Variants in PLEKHA5 observed in about 807,000 individuals in gnomAD.
PLEKHA5 encodes pleckstrin homology domain-containing family A member 5.
A neutral mutation model predicts 181.9 loss-of-function variants in PLEKHA5; 55 were observed. The ratio of observed to expected loss-of-function variants is 0.30; its 90% CI spans 0.24 to 0.38. The LOEUF (loss-of-function observed/expected upper bound fraction) is 0.38, where lower values mean the gene tolerates loss of function less well. Ranked by LOEUF, PLEKHA5 falls within the 10% of genes least tolerant of loss-of-function variation. The pLI is 1.00. For missense variants in PLEKHA5, 1,432 were observed against 1,549.5 expected (o/e 0.92, Z 1.27); for synonymous variants, 535 against 529.4 (o/e 1.01, Z -0.15).
chr12:19,360,923 T>A (rs1464250508), intron 28 of PLEKHA5, among the ~76,000 whole-genome samples: 1 of 151,928 alleles, frequency 6.6e-6, no homozygotes, highest in Non-Finnish European at 1.5e-5. Context: ...GCCCAGCTAA[T>A]TTTTTGTGTT....
At chr12:19,356,509 G>A (rs2094935401) in intron 26 of PLEKHA5, among the ~76,000 whole-genome samples, 1 of 151,890 alleles carries the variant, frequency 6.6e-6, no homozygotes, top group South Asian at 2.1e-4. Context: ...GTGACAGCCT[G>A]TCTCAAAAAA....
At chr12:19,240,070 T>G (rs1012666670) in intron 3 of PLEKHA5, among the ~76,000 whole-genome samples, 2 of 152,234 alleles carry the variant, frequency 1.3e-5, no homozygotes, top group Non-Finnish European at 2.9e-5. Flanking sequence ...GACTTATGAG[T>G]CAGCTCCTTT....
At chr12:19,364,921 A>G (rs2095376931) in intron 29 of PLEKHA5, among the ~76,000 whole-genome samples, 1 of 151,994 alleles carries the variant, frequency 6.6e-6, no homozygotes. Context: ...TGGCCTCTCA[A>G]AGTGCTGTGA....
intron 22 of PLEKHA5, 68 bp downstream of exon 22, chr12:19,343,502 G>C: frequency 1.1e-6 from 1 of 882,574 alleles, no homozygotes; most frequent in East Asian, 2.6e-5. Flanking sequence ...CTTGGTGACA[G>C]ATTACATTCT....
chr12:19,266,054 C>T (rs781408096), intron 8 of PLEKHA5, among the ~76,000 whole-genome samples: 10 of 152,100 alleles, frequency 6.6e-5, no homozygotes, highest in Non-Finnish European at 1.5e-4. Context: ...CAAGTGTCTT[C>T]ATGTCTGTGC....
At chr12:19,308,167 AACTGGTGATTC>A (rs143691873) in intron 15 of PLEKHA5, among the ~76,000 whole-genome samples, 6,252 of 152,224 alleles carry the variant, frequency 0.041, 149 homozygotes, top group South Asian at 0.061. Context: ...TGGAAAAGGG[AACTGGTGATTC>A]ACTAGGAGAA....
At chr12:19,230,552 G>C (rs922024585) in intron 3 of PLEKHA5, among the ~76,000 whole-genome samples, 1 of 152,200 alleles carries the variant, frequency 6.6e-6, no homozygotes, top group Non-Finnish European at 1.5e-5. Context: ...GTGCGGGTAG[G>C]CTGGCAGTGC....
chr12:19,227,174 T>G (rs2059812021), intron 3 of PLEKHA5, among the ~76,000 whole-genome samples: 1 of 152,210 alleles, frequency 6.6e-6, no homozygotes, highest in African/African-American at 2.4e-5. Context: ...ATGTACTTTT[T>G]TGGGGGTCAC....
chr12:19,238,592 A>G (rs2061818626), intron 3 of PLEKHA5, among the ~76,000 whole-genome samples: 1 of 152,124 alleles, frequency 6.6e-6, no homozygotes, highest in African/African-American at 2.4e-5. Context: ...GAATCCGCTG[A>G]AAATGTTTTA....
chr12:19,372,642 T>C (rs1038509602), intron 31 of PLEKHA5: 1 of 152,186 alleles, frequency 6.6e-6, no homozygotes, highest in African/African-American at 2.4e-5. Context: ...AAGAGGCTTC[T>C]GTTTTTGTCA....
intron 27 of PLEKHA5, among the ~76,000 whole-genome samples, chr12:19,359,115 T>C (rs1051357585): frequency 5.9e-5 from 9 of 152,212 alleles, no homozygotes; most frequent in African/African-American, 1.9e-4. Flanking sequence ...TCCTAATGAA[T>C]ATCCCCTCTT....
intron 11 of PLEKHA5, among the ~76,000 whole-genome samples, chr12:19,282,052 G>C (rs929437770): frequency 1.3e-5 from 2 of 152,164 alleles, no homozygotes; most frequent in African/African-American, 4.8e-5. Flanking sequence ...AAAGTGCTGG[G>C]ATTACAGGCG....
At chr12:19,333,204 G>A (rs1486649420) in intron 20 of PLEKHA5, among the ~76,000 whole-genome samples, 1 of 152,038 alleles carries the variant, frequency 6.6e-6, no homozygotes, top group African/African-American at 2.4e-5. Flanking sequence ...CGAATCGCTT[G>A]AACCCAGGAG....
At position 19,324,110 on chromosome 12, in the gene PLEKHA5, C is replaced by T. The variant is rs142085990; in HGVS notation, c.2448+1443C>T. On this transcript the variant is annotated intron_variant, in intron 20 of 31. Transcript: ENST00000429027. ...TCTGTACCTTCAATGGGCTAGGGAGCAGCTATCTTTTAAGAAGGGCCACAG... is the reference window on the plus strand; with the variant it reads ...TCTGTACCTTCAATGGGCTAGGGAGTAGCTATCTTTTAAGAAGGGCCACAG... Among the ~76,000 whole-genome samples, 173 of 152,220 alleles carry T rather than the reference C, an allele frequency of 1.1e-3. 1 individual carries two copies. Among genetic ancestry groups the T allele is most frequent in the African/African-American group, 4.0e-3 (166 of 41,524 alleles).
intron 13 of PLEKHA5, chr12:19,288,077 CAAAAAAAAAAAA>C (rs9300127): frequency 1.1e-4 from 21 of 185,936 alleles, no homozygotes; most frequent in Admixed American, 2.6e-4. Flanking sequence ...GACTCTGTCT[CAAAAAAAAAAAA>C]AAAAAAAAGA....
rs186091892 is a variant in PLEKHA5, at chr12:19,136,472, G to A, written c.227+4022G>A. Among the ~76,000 whole-genome samples the A allele has an allele frequency of 5.1e-3, 778 of 152,276 alleles. 4 individuals carry two copies. The highest frequency in any genetic ancestry group is 9.6e-3 in the Admixed American group (147 of 15,296). On this transcript the variant is annotated intron_variant, in intron 3 of 31. Coordinates refer to ENST00000429027, the MANE Select transcript of PLEKHA5 (RefSeq NM_001256470.2). Reference sequence around the variant, plus strand: ...CAAATAACTTAGCCCATAAAGCACAGAAGAAAATCTTATACGTTTGAGTTA... The same window carrying A: ...CAAATAACTTAGCCCATAAAGCACAAAAGAAAATCTTATACGTTTGAGTTA...
In PLEKHA5 at chr12:19,274,544, C is replaced by G. The variant is rs1261108309; in HGVS notation, c.874C>G (p.Pro292Ala). ...RVDKITSENA[P>A]TKETNNIPNH... Reference sequence around the variant, plus strand: ...GGACAAGATTACATCTGAAAATGCACCAACTAAAGAAACCAATAACATTCC... The same window carrying G: ...GGACAAGATTACATCTGAAAATGCAGCAACTAAAGAAACCAATAACATTCC... Residue 292 changes from proline to alanine, a missense_variant, in exon 11 of 32, where the codon CCA becomes GCA. Physicochemically the swap from Pro to Ala is conservative, Grantham distance 27. Transcript: ENST00000429027. 2 of 1,606,806 alleles carry G rather than the reference C, an allele frequency of 1.2e-6. No individual in the cohort carries two copies. Among genetic ancestry groups the G allele is most frequent in the East Asian group, 4.5e-5 (2 of 44,848 alleles).
At chr12:19,205,412 A>C in intron 3 of PLEKHA5, 1 of 981,876 alleles carries the variant, frequency 1.0e-6, no homozygotes. Flanking sequence ...AGACAAAGAA[A>C]AGAACACAGA....
chr12:19,198,304 C>G (rs1274934579), intron 3 of PLEKHA5, among the ~76,000 whole-genome samples: 1 of 152,180 alleles, frequency 6.6e-6, no homozygotes, highest in Non-Finnish European at 1.5e-5. Context: ...CTACCATACT[C>G]TAGTCACAGA....
Sources: gnomAD v4.1 joint callset for allele counts (sites outside exome capture counted in the v4.1 genomes callset) on GRCh38, gnomAD v4.1.1 for gene constraint, MANE v1.5 for transcripts, NCBI Gene and HGNC (gene_info 2026-07-23, HGNC 2026-07-21) for gene names.